The following PXDNL variants were observed in gnomAD, a reference collection of about 807,000 sequenced individuals.
PXDNL encodes the protein peroxidasin like.
In PXDNL, 145 loss-of-function variants were observed where a neutral mutation model predicts 150.8. That is an observed-to-expected ratio of 0.96 (90% confidence interval 0.84 to 1.10). The LOEUF (loss-of-function observed/expected upper bound fraction) is 1.10. Among genes scored for constraint, PXDNL ranks in the 50% least tolerant of loss-of-function variants. The pLI is 0.00. For missense variants in PXDNL, 2,087 were observed against 1,873.9 expected, an observed-to-expected ratio of 1.11 and a Z score of -2.10; for synonymous variants, 757 against 725.7, an observed-to-expected ratio of 1.04 and a Z score of -0.69.
At chr8:51,334,173 A>G (rs1405179251) in intron 21 of PXDNL, among the ~76,000 whole-genome samples, 1 of 110,672 alleles carries the variant, frequency 9.0e-6, no homozygotes, top group Non-Finnish European at 2.1e-5. Context: ...GGAACCCTCA[A>G]AACCATGGAA....
intron 2 of PXDNL, among the ~76,000 whole-genome samples, chr8:51,618,869 G>A (rs1044037773): frequency 1.5e-4 from 23 of 152,108 alleles, no homozygotes; most frequent in African/African-American, 5.1e-4. Flanking sequence ...AAATGTCGGT[G>A]GTTCTTATTA....
intron 1 of PXDNL, among the ~76,000 whole-genome samples, chr8:51,688,451 C>T (rs1815920555): frequency 6.6e-6 from 1 of 152,148 alleles, no homozygotes; most frequent in South Asian, 2.1e-4. Context: ...CAAAGCAACA[C>T]ATTAACAATT....
chr8:51,589,438 A>G (rs1563475011), intron 3 of PXDNL, among the ~76,000 whole-genome samples: 1 of 152,198 alleles, frequency 6.6e-6, no homozygotes, highest in Non-Finnish European at 1.5e-5. Context: ...GCTTAGAAGA[A>G]AGAAGAATCT....
intron 1 of PXDNL, among the ~76,000 whole-genome samples, chr8:51,750,192 T>C (rs1346764448): frequency 6.6e-6 from 1 of 152,186 alleles, no homozygotes; most frequent in Non-Finnish European, 1.5e-5. Context: ...TTTTAAATTT[T>C]TTTTTCTTTT....
intron 1 of PXDNL, among the ~76,000 whole-genome samples, chr8:51,745,613 G>C (rs1467879090): frequency 3.9e-5 from 6 of 152,138 alleles, no homozygotes; most frequent in African/African-American, 1.4e-4. Flanking sequence ...CTCCTTTCAG[G>C]CCGTGACGGT....
chr8:51,329,876 G>T (rs1002039702), intron 21 of PXDNL, among the ~76,000 whole-genome samples: 3 of 152,132 alleles, frequency 2.0e-5, no homozygotes, highest in Non-Finnish European at 4.4e-5. Context: ...AGATTGAGAA[G>T]GGCCACAATC....
At position 51,391,191 on chromosome 8, in the gene PXDNL, G is replaced by A. The variant is rs531804913; in HGVS notation, c.3558-16460C>T. Among the ~76,000 whole-genome samples the A allele has an allele frequency of 1.3e-3, 202 of 152,234 alleles. 2 individuals carry two copies. The highest frequency in any genetic ancestry group is 4.0e-3 in the African/African-American group (168 of 41,562). On this transcript the variant is annotated intron_variant, in intron 17 of 22. Transcript: ENST00000356297. ...AGTCTTTGATATTGTGAATAGTGCC[G>A]CAATAAACATATGTGTGCGTGTGTC... is the stretch of plus-strand genomic sequence containing the variant.
intron 4 of PXDNL, among the ~76,000 whole-genome samples, chr8:51,523,817 A>G (rs1811709779): frequency 6.6e-6 from 1 of 152,170 alleles, no homozygotes; most frequent in African/African-American, 2.4e-5. Flanking sequence ...ATATTAATTG[A>G]TTCAAAATTG....
chr8:51,711,081 C>A (rs1816487476), intron 1 of PXDNL, among the ~76,000 whole-genome samples: 1 of 152,152 alleles, frequency 6.6e-6, no homozygotes, highest in Admixed American at 6.5e-5. Context: ...TAAATTGTCA[C>A]AGTTTACAGA....
intron 2 of PXDNL, among the ~76,000 whole-genome samples, chr8:51,641,715 G>A (rs550175993): frequency 1.3e-5 from 2 of 151,914 alleles, no homozygotes; most frequent in South Asian, 2.1e-4. Flanking sequence ...AACAGGTGCT[G>A]GAGAGGATGT....
At position 51,426,661 on chromosome 8, in the gene PXDNL, T is replaced by G; in HGVS notation, c.1623A>C (p.Ile541=). 1.3e-6 allele frequency: 2 copies of G among 1,590,740 alleles called. No homozygotes were observed. Among genetic ancestry groups the G allele is most frequent in the Non-Finnish European group, 1.7e-6 (2 of 1,161,258 alleles). Residue 541 remains isoleucine, a synonymous_variant, in exon 13 of 23, where the codon ATA becomes ATC. Coordinates refer to ENST00000356297, the MANE Select transcript of PXDNL (RefSeq NM_144651.5). ...SCHAQGEPQP[I]ITWNKEGVQI... is the part of the protein sequence containing the mutation. ...GAGATCTTACCTTATTCCAAGTAAT[T>G]ATGGGCTGTGGTTCTCCTTGAGCAT...
intron 14 of PXDNL, among the ~76,000 whole-genome samples, chr8:51,414,766 T>C (rs1049315363): frequency 3.3e-5 from 5 of 152,176 alleles, no homozygotes; most frequent in Non-Finnish European, 1.5e-5. Flanking sequence ...AGAAATGATA[T>C]TCTGTTTCAT....
intron 6 of PXDNL, among the ~76,000 whole-genome samples, chr8:51,476,165 T>C (rs1235687876): frequency 1.3e-5 from 2 of 152,226 alleles, no homozygotes; most frequent in African/African-American, 4.8e-5. Flanking sequence ...GTTTATGTGT[T>C]ACAGAACAAG....
intron 1 of PXDNL, among the ~76,000 whole-genome samples, chr8:51,758,620 C>G (rs565667161): frequency 6.6e-6 from 1 of 152,148 alleles, no homozygotes; most frequent in East Asian, 1.9e-4. Flanking sequence ...TGAGTTTTCA[C>G]GAGATCTGAT....
chr8:51,446,923 A>T, intron 12 of PXDNL, 81 bp downstream of exon 12: 1 of 1,225,128 alleles, frequency 8.2e-7, no homozygotes, highest in South Asian at 1.3e-5. Context: ...CATATATGTC[A>T]TAAGATCCCT....
chr8:51,768,962 A>C (rs145848154), intron 1 of PXDNL, among the ~76,000 whole-genome samples: 2,109 of 152,188 alleles, frequency 0.014, 30 homozygotes, highest in Middle Eastern at 0.045. Context: ...ATTAGCTGGG[A>C]GTGGTGGTTG....
chr8:51,329,001 A>C (rs1228077861), intron 21 of PXDNL, among the ~76,000 whole-genome samples: 1 of 152,226 alleles, frequency 6.6e-6, no homozygotes, highest in Non-Finnish European at 1.5e-5. Flanking sequence ...GACTCACTTA[A>C]TCAGGAAAAA....
At chr8:51,643,399 A>T (rs1263637192) in intron 2 of PXDNL, among the ~76,000 whole-genome samples, 1 of 152,136 alleles carries the variant, frequency 6.6e-6, no homozygotes, top group African/African-American at 2.4e-5. Flanking sequence ...CACATCTACA[A>T]CCATCTGATC....
At chr8:51,802,881 A>G (rs1303036663) in intron 1 of PXDNL, among the ~76,000 whole-genome samples, 1 of 152,236 alleles carries the variant, frequency 6.6e-6, no homozygotes, top group Non-Finnish European at 1.5e-5. Context: ...TGTTTTTGAT[A>G]AACATTTACA....
Sources: gnomAD v4.1 joint callset for allele counts (sites outside exome capture counted in the v4.1 genomes callset) on GRCh38, gnomAD v4.1.1 for gene constraint, MANE v1.5 for transcripts, NCBI Gene and HGNC (gene_info 2026-07-23, HGNC 2026-07-21) for gene names.